Variants in DNAH9 observed in about 807,000 individuals in gnomAD.
DNAH9 encodes the protein DNAH9 variant protein.
In DNAH9, 345 loss-of-function variants were observed where a neutral mutation model predicts 471.6. The observed-to-expected ratio is 0.73, with a 90% CI of 0.67 to 0.80. DNAH9 has a LOEUF of 0.80. DNAH9 is among the 30% of genes least tolerant of loss of function. The pLI is 0.00. For synonymous variants in DNAH9, 2,093 were observed against 2,123.6 expected (o/e 0.99, Z 0.40); for missense variants, 5,407 against 5,609.2 (o/e 0.96, Z 1.15).
At chr17:11,736,090 C>T (rs1261988060) in intron 28 of DNAH9, among the ~76,000 whole-genome samples, 1 of 152,058 alleles carries the variant, frequency 6.6e-6, no homozygotes, top group African/African-American at 2.4e-5. Flanking sequence ...CACTTTTAGC[C>T]TCCCCTTAAT....
Position 11,891,426 on chromosome 17 carries a change from C to T in DNAH9, c.11113-351C>T, listed in dbSNP as rs1004235433. Reference sequence around the variant, plus strand: ...TGTCGCCCAGCCTGGAATGCAGTGGCACCATCTCGGCTCACTGCAAACTCT... The same window carrying T: ...TGTCGCCCAGCCTGGAATGCAGTGGTACCATCTCGGCTCACTGCAAACTCT... On this transcript the variant is annotated intron_variant, in intron 57 of 68. Coordinates refer to ENST00000262442, the MANE Select transcript of DNAH9 (RefSeq NM_001372.4). Among the ~76,000 whole-genome samples the T allele has an allele frequency of 5.3e-5, 8 of 152,160 alleles. No homozygotes were observed. The South Asian group carries it at 1.0e-3, about 20-fold the overall frequency.
intron 27 of DNAH9, among the ~76,000 whole-genome samples, chr17:11,720,426 A>G (rs1169922409): frequency 6.6e-6 from 1 of 152,056 alleles, no homozygotes. Flanking sequence ...AGGCCCTGGT[A>G]AAACAAAAAT....
At chr17:11,833,830 A>G (rs1970748803) in intron 48 of DNAH9, among the ~76,000 whole-genome samples, 1 of 152,200 alleles carries the variant, frequency 6.6e-6, no homozygotes, top group Non-Finnish European at 1.5e-5. Flanking sequence ...TTGGACATTC[A>G]GTCTTTCAGG....
Position 11,874,577 on chromosome 17 carries a change from G to A in DNAH9, c.10243-372G>A, listed in dbSNP as rs192110784. 2.8e-4 allele frequency among the ~76,000 whole-genome samples: 43 copies of A among 152,286 alleles called. No individual in the cohort carries two copies. In the East Asian group the frequency reaches 7.2e-3, roughly 25 times the overall value. On this transcript the variant is annotated intron_variant, in intron 52 of 68. Transcript: ENST00000262442. ...GGGACCTGGTGCTGGTTCATGGAGC[G>A]TGCACAAGAAACACAGACATATAGC...
At chr17:11,706,430 G>A (rs1282219977) in intron 26 of DNAH9, among the ~76,000 whole-genome samples, 1 of 152,066 alleles carries the variant, frequency 6.6e-6, no homozygotes, top group Non-Finnish European at 1.5e-5. Context: ...ATTCTAATGA[G>A]GGAAATAAGA....
At chr17:11,807,940 A>G (rs774869487) in intron 44 of DNAH9, 46 bp downstream of exon 44, 48 of 1,556,468 alleles carry the variant, frequency 3.1e-5, no homozygotes, top group Non-Finnish European at 3.8e-5. Flanking sequence ...CTTCCCTCCA[A>G]CCAGCCACAG....
intron 65 of DNAH9, among the ~76,000 whole-genome samples, chr17:11,934,435 ATTTTTTTTTTTTTTTTT>A (rs547023975): frequency 5.8e-5 from 5 of 86,044 alleles, no homozygotes; most frequent in African/African-American, 2.3e-4. Flanking sequence ...TGACAAACCC[ATTTTTTTTTTTTTTTTT>A]TTTTTTTTTT....
rs926629960 is a variant in DNAH9, at chr17:11,626,053, T to C, written c.1351-3364T>C. 6.6e-6 allele frequency among the ~76,000 whole-genome samples: 1 copy of C among 152,154 alleles called. No homozygotes were observed. The highest frequency in any genetic ancestry group is 1.5e-5 in the Non-Finnish European group (1 of 68,028). On this transcript the variant is annotated intron_variant, in intron 6 of 68. Transcript: ENST00000262442. This position sits in a 1 kb window ranked among gnomAD's most constrained non-coding sequence, Gnocchi z 4.3. ...TGCTTTAAGCCACATAGCTAGTAAA[T>C]GATGGAACCAGAGTTGCGTAAACTC...
At chr17:11,851,860 G>GAGA (rs60416115) in intron 49 of DNAH9, among the ~76,000 whole-genome samples, 141,620 of 152,114 alleles carry the variant, frequency 0.93, 66,390 homozygotes, top group African/African-American at 0.96. Context: ...AGACTGGAAG[G>GAGA]AGGAGTTACT....
intron 68 of DNAH9, among the ~76,000 whole-genome samples, chr17:11,964,658 A>C (rs1976538201): frequency 6.6e-6 from 1 of 152,200 alleles, no homozygotes. Context: ...AGAAGTGTTT[A>C]CTCAAGCAAA....
intron 15 of DNAH9, among the ~76,000 whole-genome samples, chr17:11,667,787 C>T (rs1182762857): frequency 6.6e-6 from 1 of 152,206 alleles, no homozygotes; most frequent in Non-Finnish European, 1.5e-5. Flanking sequence ...CACCTGCAGT[C>T]TCAAGAGTCC....
At chr17:11,787,252 T>TA (rs1968906770) in intron 41 of DNAH9, among the ~76,000 whole-genome samples, 1 of 152,182 alleles carries the variant, frequency 6.6e-6, no homozygotes, top group Non-Finnish European at 1.5e-5. Flanking sequence ...CTGGATTGGT[T>TA]ACAGCTTGGT....
At chr17:11,760,366 CTTTG>C (rs1270279248) in intron 35 of DNAH9, among the ~76,000 whole-genome samples, 8 of 152,102 alleles carry the variant, frequency 5.3e-5, no homozygotes, top group South Asian at 4.1e-4. Flanking sequence ...GCTCATGTGT[CTTTG>C]TTTGTGCATG....
chr17:11,701,228 T>C lies in DNAH9; in HGVS notation c.5132T>C (p.Leu1711Pro). 6.2e-7 allele frequency: 1 copy of C among 1,613,508 alleles called. No homozygotes were observed. Among genetic ancestry groups the C allele is most frequent in the Non-Finnish European group, 8.5e-7 (1 of 1,179,878 alleles). The change falls in exon 24 of 69, where the codon CTT becomes CCT. Residue 1711 changes from leucine (L) to proline (P), a missense_variant. Leu to Pro is a moderately conservative substitution (Grantham distance 98). Around this residue, in one of 3 missense-constraint regions of DNAH9, gnomAD observed 4,636 missense variants for 4,900.3 expected, o/e 0.95. Transcript: ENST00000262442. Reference protein sequence around the residue: ...AYEEKPREQWLFDHPAQVALT... With the variant: ...AYEEKPREQWPFDHPAQVALT... The stretch of plus-strand genomic sequence containing the variant: ...GAAGAAAAGCCGAGGGAGCAGTGGC[T>C]TTTTGACCACCCAGCTCAGGTATTC...
intron 11 of DNAH9, among the ~76,000 whole-genome samples, chr17:11,645,535 G>A (rs1236602752): frequency 6.6e-6 from 1 of 152,162 alleles, no homozygotes; most frequent in Non-Finnish European, 1.5e-5. Context: ...CACCAGCTGG[G>A]AGGCCTTGCG....
chr17:11,812,050 T>C (rs1185734883), intron 45 of DNAH9, among the ~76,000 whole-genome samples: 4,262 of 71,170 alleles, frequency 0.06, 592 homozygotes, highest in African/African-American at 0.21. Flanking sequence ...TATATATATA[T>C]ATATACACAT....
chr17:11,842,117 A>G (rs1051415471), intron 49 of DNAH9, among the ~76,000 whole-genome samples: 3 of 152,188 alleles, frequency 2.0e-5, no homozygotes, highest in Admixed American at 6.5e-5. Context: ...TTTAAAATCA[A>G]ATAATTTGGG....
At chr17:11,770,289 A>G (rs527620720) in intron 38 of DNAH9, among the ~76,000 whole-genome samples, 38 of 152,288 alleles carry the variant, frequency 2.5e-4, no homozygotes, top group Middle Eastern at 3.4e-3. Flanking sequence ...CATTTTACCC[A>G]GTCTTTCTGC....
chr17:11,742,298 G>A lies in DNAH9; in HGVS notation c.6096G>A (p.Glu2032=). 6.2e-7 allele frequency: 1 copy of A among 1,614,116 alleles called. No individual in the cohort carries two copies. The highest frequency in any genetic ancestry group is 8.5e-7 in the Non-Finnish European group (1 of 1,180,002). The change falls in exon 30 of 69, where the codon GAG becomes GAA. Residue 2032 remains glutamate (E), a synonymous_variant. Transcript: ENST00000262442. ...KFITLYQLCK[E]LLSKQDHYDW... is the part of the protein sequence containing the mutation. ...TCACTCTTTACCAGTTGTGCAAAGAGCTTCTCTCCAAACAGGTAGGATCTC... is the reference window on the plus strand; with the variant it reads ...TCACTCTTTACCAGTTGTGCAAAGAACTTCTCTCCAAACAGGTAGGATCTC...
Sources: allele counts gnomAD v4.1 joint callset (sites outside exome capture counted in the v4.1 genomes callset), GRCh38; gene constraint gnomAD v4.1.1; regional missense constraint gnomAD v4.1.1; non-coding constraint Gnocchi (gnomAD v3.1); transcripts MANE v1.5; gene names NCBI Gene and HGNC (gene_info 2026-07-23, HGNC 2026-07-21).